PSMA8: variants seen among roughly 807,000 people sequenced by gnomAD.
PSMA8 encodes proteasome 20S subunit alpha 8.
In PSMA8, 18 loss-of-function variants were observed where a neutral mutation model predicts 32.4. That is an observed-to-expected ratio of 0.56 (90% CI 0.38 to 0.82). PSMA8 has a LOEUF of 0.82. Among genes scored for constraint, PSMA8 ranks in the 40% least tolerant of loss-of-function variants. The pLI is 0.00. For synonymous variants in PSMA8, 104 were observed against 98.1 expected, an observed-to-expected ratio of 1.06 and a Z score of -0.36; for missense variants, 298 against 300.7, an observed-to-expected ratio of 0.99 and a Z score of 0.07.
At chr18:26,181,780 C>T (rs1202043649) in intron 6 of PSMA8, among the ~76,000 whole-genome samples, 1 of 152,162 alleles carries the variant, frequency 6.6e-6, no homozygotes, top group Non-Finnish European at 1.5e-5. Context: ...AAAATTTAGC[C>T]ACGTGTGGTG....
rs553134697 is a variant in PSMA8 at position 26,178,342 on chromosome 18, G to T, written c.478-488G>T. On this transcript the variant is annotated intron_variant, in intron 4 of 6. Transcript: ENST00000415576. ...AAGAAAAAGTTGGCCAGATGTTGTG[G>T]CTCACGCCTGTAATCCCAACACTTT... Among the ~76,000 whole-genome samples the T allele has an allele frequency of 9.8e-5, 15 of 152,336 alleles. No homozygotes were observed. The South Asian group carries it at 1.4e-3, about 15-fold the overall frequency.
Position 26,171,419 on chromosome 18 carries a change from T to C in PSMA8, c.478-7411T>C, listed in dbSNP as rs1275006461. 17 of 1,014,464 alleles carry C rather than the reference T, an allele frequency of 1.7e-5. 1 individual carries two copies. Among genetic ancestry groups the C allele is most frequent in the East Asian group, 5.7e-5 (2 of 35,172 alleles). The allele number at this position is 1,014,464 out of a possible 1,614,324, so 62.8% of individuals were successfully genotyped here. ...AACGTGTAATGGGCTTATTTTTAAA[T>C]GAATTAAATTTTTAAAAAATTTTCT... On this transcript the variant is annotated intron_variant, in intron 4 of 6. Coordinates refer to ENST00000415576, the MANE Select transcript of PSMA8 (RefSeq NM_001025096.2).
chr18:26,151,321 C>T (rs1380988205), intron 2 of PSMA8, among the ~76,000 whole-genome samples: 1 of 152,200 alleles, frequency 6.6e-6, no homozygotes, highest in Non-Finnish European at 1.5e-5. Flanking sequence ...GAAATGTTTG[C>T]AACCATTGCA....
chr18:26,155,830 CA>C (rs1473488820), intron 3 of PSMA8, among the ~76,000 whole-genome samples: 1 of 152,176 alleles, frequency 6.6e-6, no homozygotes, highest in Non-Finnish European at 1.5e-5. Flanking sequence ...AAAGCTTCTG[CA>C]CAGCCAAAGA....
At chr18:26,172,547 G>A (rs2144332997) in intron 4 of PSMA8, among the ~76,000 whole-genome samples, 1 of 152,268 alleles carries the variant, frequency 6.6e-6, no homozygotes, top group Middle Eastern at 3.4e-3. Flanking sequence ...TTATAGAGGA[G>A]GTTTCCTGAG....
intron 1 of PSMA8, among the ~76,000 whole-genome samples, chr18:26,137,758 A>G (rs1598639456): frequency 6.6e-6 from 1 of 152,306 alleles, no homozygotes; most frequent in South Asian, 2.1e-4. Flanking sequence ...TAGAGATCCT[A>G]CTATCTATCA....
chr18:26,156,662 A>G (rs900743702), intron 3 of PSMA8, among the ~76,000 whole-genome samples: 25 of 148,302 alleles, frequency 1.7e-4, no homozygotes, highest in Middle Eastern at 3.6e-3. Context: ...TATTTTATAT[A>G]TATAATAATG....
At chr18:26,150,892 T>C (rs1179109224) in intron 2 of PSMA8, among the ~76,000 whole-genome samples, 1 of 152,182 alleles carries the variant, frequency 6.6e-6, no homozygotes, top group African/African-American at 2.4e-5. Flanking sequence ...TAAATACATA[T>C]TCTGTTTGAT....
At chr18:26,146,569 G>T (rs991369580) in intron 2 of PSMA8, among the ~76,000 whole-genome samples, 3 of 152,032 alleles carry the variant, frequency 2.0e-5, no homozygotes, top group Admixed American at 6.6e-5. Flanking sequence ...GTTCGAGCCT[G>T]TCTGAGCAAC....
intron 4 of PSMA8, among the ~76,000 whole-genome samples, chr18:26,166,759 A>G (rs915449812): frequency 3.3e-5 from 5 of 152,206 alleles, no homozygotes; most frequent in Non-Finnish European, 5.9e-5. Context: ...AAGGATGAGC[A>G]AACTGAGCCT....
intron 1 of PSMA8, chr18:26,140,190 A>G (rs1032250778): frequency 1.4e-6 from 1 of 701,398 alleles, no homozygotes; most frequent in Non-Finnish European, 2.6e-6. Context: ...TGGGCCTGCC[A>G]CTAGAGTCCT....
chr18:26,186,352 T>G (rs2144358679), intron 6 of PSMA8, among the ~76,000 whole-genome samples: 1 of 151,406 alleles, frequency 6.6e-6, no homozygotes, highest in East Asian at 2.0e-4. Context: ...AAATTACTTC[T>G]CTGTTTCTGT....
intron 6 of PSMA8, among the ~76,000 whole-genome samples, chr18:26,187,762 C>G (rs899676369): frequency 6.6e-6 from 1 of 152,126 alleles, no homozygotes; most frequent in African/African-American, 2.4e-5. Flanking sequence ...GCACCCAACA[C>G]TGTAGAACCT....
chr18:26,170,627 A>C, intron 4 of PSMA8: 4 of 795,072 alleles, frequency 5.0e-6, no homozygotes, highest in Non-Finnish European at 3.8e-6. Flanking sequence ...AGAAATAATT[A>C]TAGATCTAAA....
chr18:26,138,773 T>G (rs1232826106), intron 1 of PSMA8, among the ~76,000 whole-genome samples: 2 of 152,174 alleles, frequency 1.3e-5, no homozygotes, highest in African/African-American at 4.8e-5. Context: ...ATAAGGTGGA[T>G]TCCAGAAAAA....
At chr18:26,164,523 T>C (rs139156076) in intron 4 of PSMA8, among the ~76,000 whole-genome samples, 22 of 152,330 alleles carry the variant, frequency 1.4e-4, no homozygotes, top group African/African-American at 4.6e-4. Context: ...TAACATGACC[T>C]TAGTAGTATT....
chr18:26,147,243 A>G (rs546109207), intron 2 of PSMA8, among the ~76,000 whole-genome samples: 1 of 151,172 alleles, frequency 6.6e-6, no homozygotes, highest in South Asian at 2.1e-4. Flanking sequence ...GATTGAAACC[A>G]TACAGAGTAT....
chr18:26,178,524 A>C (rs77611039), intron 4 of PSMA8, among the ~76,000 whole-genome samples: 178 of 151,926 alleles, frequency 1.2e-3, no homozygotes, highest in African/African-American at 4.2e-3. Context: ...ACTTAAGCCC[A>C]GAAGATCAAA....
At chr18:26,140,414 G>T (rs1240680433) in intron 1 of PSMA8, among the ~76,000 whole-genome samples, 1 of 152,154 alleles carries the variant, frequency 6.6e-6, no homozygotes, top group African/African-American at 2.4e-5. Flanking sequence ...TGTGTTGCTG[G>T]GCCTTGAAGG....
Sources: allele counts gnomAD v4.1 joint callset (sites outside exome capture counted in the v4.1 genomes callset), GRCh38; gene constraint gnomAD v4.1.1; transcripts MANE v1.5; gene names NCBI Gene and HGNC (gene_info 2026-07-23, HGNC 2026-07-21).